Variants in KCNAB2 observed in about 807,000 individuals in gnomAD.
The protein encoded by KCNAB2 is voltage-gated potassium channel subunit beta-2.
Under a neutral mutation model 63.6 loss-of-function variants are expected in KCNAB2, and 29 were observed. That is an observed-to-expected ratio of 0.46 (90% confidence interval 0.34 to 0.62). KCNAB2 has a LOEUF of 0.62. Among genes scored for constraint, KCNAB2 ranks in the 20% least tolerant of loss-of-function variants. The pLI is 0.01. For missense variants in KCNAB2, 359 were observed against 563.9 expected (o/e 0.64, Z 3.68); for synonymous variants, 222 against 224.2 (o/e 0.99, Z 0.09).
At chr1:6,094,377 G>C in intron 10 of KCNAB2, 23 bp from the exon 11 acceptor site, 1 of 1,593,266 alleles carries the variant, frequency 6.3e-7, no homozygotes. Flanking sequence ...CCCCACCTGC[G>C]GTTTCCCTTT....
At chr1:6,054,643 G>A (rs913793984) in intron 2 of KCNAB2, among the ~76,000 whole-genome samples, 1 of 152,164 alleles carries the variant, frequency 6.6e-6, no homozygotes, top group African/African-American at 2.4e-5. Flanking sequence ...CCTGGATACA[G>A]AATTTTCTGG....
rs1220651305 is a variant in KCNAB2, at chr1:6,088,220, TTCTC to T, written c.470+719_470+722del. The stretch of plus-strand genomic sequence containing the variant: ...ACCATGCCTGACTAATTTGTCCTTT[TTCTC>T]TCTCTCTCTTTTTTTTTTTTTTTTT... On this transcript the variant is annotated intron_variant, in intron 7 of 15. Transcript: ENST00000378083. Among the ~76,000 whole-genome samples, 76 of 145,570 alleles carry T rather than the reference TTCTC, an allele frequency of 5.2e-4. No homozygotes were observed. In the South Asian group the frequency reaches 6.8e-3, roughly 13 times the overall value.
chr1:6,022,448 T>C (rs935906009), intron 1 of KCNAB2, among the ~76,000 whole-genome samples: 3 of 151,978 alleles, frequency 2.0e-5, no homozygotes, highest in African/African-American at 7.3e-5. Flanking sequence ...TGTAATTCAG[T>C]GGCATTGAGT....
chr1:6,030,784 GTA>G (rs1231901518), upstream of KCNAB2, among the ~76,000 whole-genome samples: 4 of 115,452 alleles, frequency 3.5e-5, no homozygotes, highest in South Asian at 5.5e-4. Flanking sequence ...ATATGTGTGT[GTA>G]TGTGTGTAGG....
intron 1 of KCNAB2, among the ~76,000 whole-genome samples, chr1:5,999,952 C>A (rs959009634): frequency 8.0e-5 from 12 of 149,678 alleles, no homozygotes; most frequent in African/African-American, 3.0e-4. Context: ...CCTGTCTGTG[C>A]CCCGTCCGCA....
At chr1:6,092,669 G>A (rs1043012059) in intron 10 of KCNAB2, among the ~76,000 whole-genome samples, 2 of 152,220 alleles carry the variant, frequency 1.3e-5, no homozygotes, top group African/African-American at 4.8e-5. Context: ...GACCCTCTAG[G>A]TTCTCCTCAA....
Position 6,100,213 on chromosome 1 carries a change from TG to T in KCNAB2, c.*1643del. The stretch of plus-strand genomic sequence containing the variant: ...GTCAGAAAGGCCAGCGGGGAGAGGC[TG>T]GGGCGAGGGGAGGAGGGGGATCAGC... On this transcript the variant is annotated 3_prime_UTR_variant, in exon 16 of 16. Coordinates refer to ENST00000378083, the MANE Select transcript of KCNAB2 (RefSeq NM_001199862.2). The T allele has an allele frequency of 1.1e-6, 1 of 937,186 alleles. No individual in the cohort carries two copies. Among genetic ancestry groups the T allele is most frequent in the Non-Finnish European group, 1.5e-6 (1 of 674,986 alleles). 58.1% of individuals were successfully genotyped at this position (937,186 alleles called of 1,614,324 possible).
chr1:6,033,195 A>ATGTGCGTGTG (rs1014536400), upstream of KCNAB2, among the ~76,000 whole-genome samples: 17 of 151,752 alleles, frequency 1.1e-4, no homozygotes, highest in Middle Eastern at 6.8e-3. Flanking sequence ...GTGTGTGTGC[A>ATGTGCGTGTG]TGTGCGTGTG....
intron 1 of KCNAB2, among the ~76,000 whole-genome samples, chr1:6,039,836 C>T (rs1251657580): frequency 6.6e-6 from 1 of 152,248 alleles, no homozygotes. Context: ...GCCTCTCCAA[C>T]ACCACAGCTT....
rs573066623 is a variant in KCNAB2 at position 6,024,087 on chromosome 1, G to A, written c.-52-16430G>A. Among the ~76,000 whole-genome samples the A allele has an allele frequency of 2.6e-5, 4 of 151,974 alleles. No homozygotes were observed. Among genetic ancestry groups the A allele is most frequent in the African/African-American group, 4.8e-5 (2 of 41,374 alleles). On this transcript the variant is annotated intron_variant, in intron 1 of 16. Coordinates refer to the KCNAB2 transcript ENST00000341524. The surrounding 1 kb of genome is among the most constrained non-coding windows in gnomAD (Gnocchi z 5.4). ...CTTCCGAGTAGCTGGGATTACAGGC[G>A]CCCACCACCATGTCCAGCTAATTTT...
chr1:6,037,098 G>T (rs1471846287), intron 1 of KCNAB2, among the ~76,000 whole-genome samples: 1 of 152,178 alleles, frequency 6.6e-6, no homozygotes, highest in African/African-American at 2.4e-5. Flanking sequence ...CTAGGCCAGG[G>T]GTCTTCAAAG....
In KCNAB2 at chr1:6,045,946, G is replaced by A; in HGVS notation, c.-264G>A. On this transcript the variant is annotated 5_prime_UTR_variant, in exon 1 of 16. Transcript: ENST00000378083. The surrounding 1 kb of genome is among the most constrained non-coding windows in gnomAD (Gnocchi z 4.8). ...ACTTCCCGAGCTTTTAGGGGAAGAG[G>A]CACTCGTGAATAATTCAGCCTCTTT... The A allele has an allele frequency of 2.0e-6, 2 of 985,396 alleles. No individual in the cohort carries two copies. Among genetic ancestry groups the A allele is most frequent in the Non-Finnish European group, 2.4e-6 (2 of 829,934 alleles). The allele number at this position is 985,396 out of a possible 1,614,324, so 61.0% of individuals were successfully genotyped here. A position where few individuals can be genotyped will look rare whatever the true frequency, so the allele number is the denominator to read the frequency against.
At chr1:6,094,030 C>A (rs575232858) in intron 10 of KCNAB2, among the ~76,000 whole-genome samples, 1 of 152,124 alleles carries the variant, frequency 6.6e-6, no homozygotes, top group Non-Finnish European at 1.5e-5. Context: ...TCGGGGCCCT[C>A]GAATCTTCCC....
intron 5 of KCNAB2, 84 bp from the exon 6 acceptor site, chr1:6,085,120 G>A: frequency 7.1e-7 from 1 of 1,407,890 alleles, no homozygotes; most frequent in Non-Finnish European, 1.0e-6. Context: ...TTCACAGAGG[G>A]AACCAAGTGG....
rs558491530 is a variant in KCNAB2 at position 6,073,160 on chromosome 1, C to T, written c.262+362C>T. Among the ~76,000 whole-genome samples the T allele has an allele frequency of 6.6e-6, 1 of 152,282 alleles. No homozygotes were observed. Among genetic ancestry groups the T allele is most frequent in the Admixed American group, 6.5e-5 (1 of 15,300 alleles). ...AGGCAGGCTCAGCTCGTGAGTCCCTCCTGGAGCGCCATTGGATTTGGCCCT... is the reference window on the plus strand; with the variant it reads ...AGGCAGGCTCAGCTCGTGAGTCCCTTCTGGAGCGCCATTGGATTTGGCCCT... On this transcript the variant is annotated intron_variant, in intron 3 of 15. Transcript: ENST00000378083. The surrounding 1 kb of genome is among the most constrained non-coding windows in gnomAD (Gnocchi z 5.7).
At position 6,073,717 on chromosome 1, in the gene KCNAB2, C is replaced by T. The variant is rs1038982712; in HGVS notation, c.263-16C>T. On this transcript the variant is annotated splice_polypyrimidine_tract_variant and intron_variant, in intron 3 of 15. Transcript: ENST00000378083. The surrounding 1 kb of genome is among the most constrained non-coding windows in gnomAD (Gnocchi z 5.7). ...CCTGCCAGGTTCCTAACTTGAGCCC[C>T]TGTGTCTCCTTCCAGGAACATGGGT... 1 of 1,614,014 alleles carries T rather than the reference C, an allele frequency of 6.2e-7. No individual in the cohort carries two copies. Among genetic ancestry groups the T allele is most frequent in the African/African-American group, 1.3e-5 (1 of 74,930 alleles).
chr1:6,051,547 T>C lies in KCNAB2; in HGVS notation c.11T>C (p.Met4Thr), dbSNP rs1252219346. ...AAGCCAGGCGGCACCATGCTGTCCA[T>C]GACGTACAGCGAGAGTCTGCGGAGC... is the stretch of plus-strand genomic sequence containing the variant. MLS[M>T]TYSESLRSVS... The change falls in exon 2 of 16, where the codon ATG becomes ACG. Residue 4 changes from methionine to threonine, a missense_variant. Met to Thr is a moderately conservative substitution (Grantham distance 81, BLOSUM62 -1). Coordinates refer to ENST00000378083, the MANE Select transcript of KCNAB2 (RefSeq NM_001199862.2). 2 of 1,529,402 alleles carry C rather than the reference T, an allele frequency of 1.3e-6. No individual in the cohort carries two copies. Among genetic ancestry groups the C allele is most frequent in the South Asian group, 2.4e-5 (2 of 83,556 alleles). The allele number at this position is 1,529,402 out of a possible 1,614,324, so 94.7% of individuals were successfully genotyped here.
chr1:6,005,421 GT>G (rs1169671031), intron 1 of KCNAB2, among the ~76,000 whole-genome samples: 1 of 117,666 alleles, frequency 8.5e-6, no homozygotes, highest in Non-Finnish European at 1.7e-5. Context: ...TGGGGGTGGA[GT>G]TGTGGGTTGT....
intron 5 of KCNAB2, among the ~76,000 whole-genome samples, 174 bp from the exon 6 acceptor site, chr1:6,085,029 CT>C (rs1335513522): frequency 1.3e-5 from 2 of 152,230 alleles, no homozygotes; most frequent in Non-Finnish European, 2.9e-5. Flanking sequence ...CTCCCACTCC[CT>C]CGGGCCAACC....
Sources: gnomAD v4.1 joint callset for allele counts (sites outside exome capture counted in the v4.1 genomes callset) on GRCh38, gnomAD v4.1.1 for gene constraint, Gnocchi (gnomAD v3.1) non-coding constraint, MANE v1.5 for transcripts, NCBI Gene and HGNC (gene_info 2026-07-23, HGNC 2026-07-21) for gene names.